Variants in ADAM33 observed in about 807,000 individuals in gnomAD.
The protein encoded by ADAM33 is disintegrin and metalloproteinase domain-containing protein 33.
ADAM33 carries 103 observed loss-of-function variants against 106.2 expected under a neutral mutation model. The observed-to-expected ratio is 0.97, with a 90% confidence interval of 0.83 to 1.14. The LOEUF (loss-of-function observed/expected upper bound fraction) is 1.14. Among genes scored for constraint, ADAM33 ranks in the 50% most tolerant of loss-of-function variants. The pLI is 0.00. For missense variants in ADAM33, 1,120 were observed against 1,096.6 expected, an observed-to-expected ratio of 1.02 and a Z score of -0.30; for synonymous variants, 483 against 453.0, an observed-to-expected ratio of 1.07 and a Z score of -0.84.
chr20:3,679,068 G>A (rs1281694634), intron 2 of ADAM33, among the ~76,000 whole-genome samples: 1 of 152,000 alleles, frequency 6.6e-6, no homozygotes, highest in Admixed American at 6.6e-5. Flanking sequence ...AGGGCCCTGA[G>A]AGGGACAGCA....
At position 3,678,622 on chromosome 20, in the gene ADAM33, C is replaced by T. The variant is rs17513902; in HGVS notation, c.177+870G>A. Among the ~76,000 whole-genome samples, 1,258 of 152,292 alleles carry T rather than the reference C, an allele frequency of 8.3e-3. 12 individuals are homozygous for T. The highest frequency in any genetic ancestry group is 0.013 in the Non-Finnish European group (878 of 68,032). On this transcript the variant is annotated intron_variant, in intron 2 of 21. Transcript: ENST00000356518. The stretch of plus-strand genomic sequence containing the variant: ...ATGGCAATGCTCCCCTGCCTTCCCT[C>T]TTGCTGGATTTGGACAGTAGGGCTG...
intron 1 of ADAM33, among the ~76,000 whole-genome samples, chr20:3,680,490 C>G (rs1380087433): frequency 6.6e-6 from 1 of 152,220 alleles, no homozygotes; most frequent in Non-Finnish European, 1.5e-5. Flanking sequence ...CACCTTCTCT[C>G]CCAGACTACA....
chr20:3,679,235 CAGGGAGGGAGGGAAAG>C (rs1446670030), intron 2 of ADAM33, among the ~76,000 whole-genome samples: 1 of 148,862 alleles, frequency 6.7e-6, no homozygotes, highest in Non-Finnish European at 1.5e-5. Context: ...CCAGATCATC[CAGGGAGGGAGGGAAAG>C]AGGGAGGTGG....
At chr20:3,676,812 C>T (rs1482408224) in intron 3 of ADAM33, among the ~76,000 whole-genome samples, 2 of 152,182 alleles carry the variant, frequency 1.3e-5, no homozygotes, top group Non-Finnish European at 2.9e-5. Flanking sequence ...CTAGGTGGTG[C>T]TCACTCATCG....
intron 21 of ADAM33, 86 bp downstream of exon 21, chr20:3,669,213 G>C: frequency 9.0e-7 from 1 of 1,108,014 alleles, no homozygotes. Flanking sequence ...CCAGAAACCT[G>C]ATTAGGGGGC....
At chr20:3,669,478 A>C in intron 20 of ADAM33, 68 bp downstream of exon 20, 1 of 1,538,934 alleles carries the variant, frequency 6.5e-7, no homozygotes, top group East Asian at 2.3e-5. Context: ...CCCATCTGGA[A>C]GGAGGCAGGA....
chr20:3,681,517 G>A (rs981146089), intron 1 of ADAM33, among the ~76,000 whole-genome samples: 2 of 152,166 alleles, frequency 1.3e-5, no homozygotes, highest in Non-Finnish European at 2.9e-5. Flanking sequence ...GAGTCCTAAG[G>A]GGTGGAGGAG....
In ADAM33 at chr20:3,672,784, C is replaced by A. The variant is rs1386880012; in HGVS notation, c.1248G>T (p.Pro416=). The change falls in exon 12 of 22, where the codon CCG becomes CCT. Residue 416 remains proline (P), a synonymous_variant. Transcript: ENST00000356518. ...CGAAGCCGTTCCCGCAGAGCGCCGG[C>A]GGCACCGGGAGTCCGGGGTCCGGGG... ...SNAPDPGLPV[P]PALCGNGFVE... The A allele has an allele frequency of 4.5e-6, 7 of 1,570,532 alleles. No homozygotes were observed. In the African/African-American group the frequency reaches 6.8e-5, roughly 15 times the overall value.
In ADAM33 at chr20:3,675,063, T is replaced by A; in HGVS notation, c.297A>T (p.Pro99=). 1 of 1,613,404 alleles carries A rather than the reference T, an allele frequency of 6.2e-7. No individual in the cohort carries two copies. The highest frequency in any genetic ancestry group is 1.1e-5 in the South Asian group (1 of 90,766). Residue 99 remains proline, a synonymous_variant, in exon 4 of 22, where the codon CCA becomes CCT. Transcript: ENST00000356518. This position sits in a 1 kb window ranked among gnomAD's most constrained non-coding sequence, Gnocchi z 4.1. ...GGGCCAGCACCACTGGCTGCCCATC[T>A]GGGCCGTAGTGGGTTTCTATGTATC... is the stretch of plus-strand genomic sequence containing the variant. The part of the protein sequence containing the change: ...APGYIETHYG[P]DGQPVVLAPN...
Position 3,671,031 on chromosome 20 carries a change from A to C in ADAM33, c.2215T>G (p.Cys739Gly), listed in dbSNP as rs41434648. The change falls in exon 19 of 22, where the codon TGC (cysteine) becomes GGC (glycine). Residue 739 changes from cysteine to glycine, a missense_variant. Physicochemically the swap from Cys to Gly is radical, Grantham distance 159. Coordinates refer to ENST00000356518, the MANE Select transcript of ADAM33 (RefSeq NM_025220.5). ...GAHLQRCSWG[C>G]RRDPACSGPK... ...CCACTGCACGCAGGGTCCCTTCTGC[A>C]GCCCCAGCTGCATCGCTGCAGATGG... The C allele has an allele frequency of 6.5e-4, 1,009 of 1,555,034 alleles. 6 individuals carry two copies. In the African/African-American group the frequency reaches 0.012, roughly 19 times the overall value.
intron 4 of ADAM33, 86 bp from the exon 5 acceptor site, chr20:3,674,935 A>G (rs760203101): frequency 6.2e-7 from 1 of 1,607,382 alleles, no homozygotes; most frequent in Non-Finnish European, 8.5e-7. Flanking sequence ...GCTGGCTCCA[A>G]CCGCCCCTTA....
In ADAM33 at chr20:3,675,431, A is replaced by G. The variant is rs879392925; in HGVS notation, c.255-326T>C. ...AGGCAGCAGGATCCACAGGATCGGGAGGGGAGGAGTCAGGAGACACTGCCG... is the reference window on the plus strand; with the variant it reads ...AGGCAGCAGGATCCACAGGATCGGGGGGGGAGGAGTCAGGAGACACTGCCG... On this transcript the variant is annotated intron_variant, in intron 3 of 21. Transcript: ENST00000356518. The surrounding 1 kb of genome is among the most constrained non-coding windows in gnomAD (Gnocchi z 4.1). 4.5e-4 allele frequency among the ~76,000 whole-genome samples: 68 copies of G among 152,192 alleles called. No individual in the cohort carries two copies. Among genetic ancestry groups the G allele is most frequent in the Admixed American group, 7.8e-4 (12 of 15,290 alleles).
rs1244978180 is a variant in ADAM33, at chr20:3,668,324, T to TGAGG, written c.*638_*639insCCTC. On this transcript the variant is annotated 3_prime_UTR_variant, in exon 22 of 22. Coordinates refer to ENST00000356518, the MANE Select transcript of ADAM33 (RefSeq NM_025220.5). ...TTCTACTTTGGTATCTTTTCTTAAA[T>TGAGG]GGTTCCCTCTGTCCCCCCGACACAC... 6.5e-6 allele frequency: 1 copy of TGAGG among 153,006 alleles called. No homozygotes were observed. Among genetic ancestry groups the TGAGG allele is most frequent in the Non-Finnish European group, 1.5e-5 (1 of 68,614 alleles). 9.5% of individuals were successfully genotyped at this position (153,006 alleles called of 1,614,324 possible).
At chr20:3,679,371 T>A in intron 2 of ADAM33, 121 bp downstream of exon 2, 2 of 980,724 alleles carry the variant, frequency 2.0e-6, no homozygotes, top group Non-Finnish European at 3.1e-6. Flanking sequence ...CAGGGGCCTA[T>A]AGGAGTAGTG....
In ADAM33 at chr20:3,669,601, G is replaced by A. The variant is rs777603755; in HGVS notation, c.2277C>T (p.Gly759=). The A allele has an allele frequency of 1.2e-5, 19 of 1,603,492 alleles. No individual in the cohort carries two copies. The highest frequency in any genetic ancestry group is 6.8e-5 in the South Asian group (6 of 88,366). The change falls in exon 20 of 22, where the codon GGC becomes GGT. Residue 759 remains glycine, a synonymous_variant. Transcript: ENST00000356518. ...GGCCCAACTCCATGGGGTGAACGCC[G>A]CCCAGGGGGTGGTCCCTGTGTGGGC... ...KDGPHRDHPL[G]GVHPMELGPT...
intron 8 of ADAM33, 43 bp from the exon 9 acceptor site, chr20:3,673,954 C>A (rs761132920): frequency 8.2e-6 from 13 of 1,579,566 alleles, no homozygotes; most frequent in Non-Finnish European, 1.1e-5. Flanking sequence ...GGCGCCCCAT[C>A]GCGCCGGTGG....
intron 3 of ADAM33, among the ~76,000 whole-genome samples, chr20:3,676,840 A>G (rs1186560539): frequency 6.6e-6 from 1 of 152,200 alleles, no homozygotes; most frequent in East Asian, 1.9e-4. Context: ...GGAGCTAACA[A>G]GCCGCTCCTG....
Position 3,672,049 on chromosome 20 carries a change from T to C in ADAM33, c.1598-64A>G, listed in dbSNP as rs2087571927. The stretch of plus-strand genomic sequence containing the variant: ...GGGGCTGCGCTCAGCGGGCCTCAGT[T>C]TCCCCTGCCCATCTTCCCCACAGTA... On this transcript the variant is annotated intron_variant, in intron 14 of 21. Coordinates refer to ENST00000356518, the MANE Select transcript of ADAM33 (RefSeq NM_025220.5). The C allele has an allele frequency of 2.6e-6, 4 of 1,562,052 alleles. No individual in the cohort carries two copies. In the South Asian group the frequency reaches 3.5e-5, roughly 14 times the overall value.
At position 3,671,348 on chromosome 20, in the gene ADAM33, G is replaced by T; in HGVS notation, c.1984-3C>A. On this transcript the variant is annotated splice_polypyrimidine_tract_variant and splice_region_variant and intron_variant, in intron 17 of 21. Transcript: ENST00000356518. ...CAGTTATGGTTGCTATTGCAAACCT[G>T]CAGAGAAGAGAAGAGGAGGGTCACG... is the stretch of plus-strand genomic sequence containing the variant. 5 of 1,613,588 alleles carry T rather than the reference G, an allele frequency of 3.1e-6. No individual in the cohort carries two copies. The highest frequency in any genetic ancestry group is 4.2e-6 in the Non-Finnish European group (5 of 1,179,702).
Sources: gnomAD v4.1 joint callset for allele counts (sites outside exome capture counted in the v4.1 genomes callset) on GRCh38, gnomAD v4.1.1 for gene constraint, Gnocchi (gnomAD v3.1) non-coding constraint, MANE v1.5 for transcripts, NCBI Gene and HGNC (gene_info 2026-07-23, HGNC 2026-07-21) for gene names.